Variants in COL20A1 observed in about 807,000 individuals in gnomAD.
COL20A1 encodes the protein collagen type XX alpha 1 chain, also known as collagen alpha-1(XX) chain.
In COL20A1, 164 loss-of-function variants were observed where a neutral mutation model predicts 152.9. The observed-to-expected ratio is 1.07, with a 90% CI of 0.94 to 1.22. COL20A1 has a LOEUF of 1.22. COL20A1 is among the 50% of genes most tolerant of loss of function. The pLI, the probability that COL20A1 is intolerant of heterozygous loss-of-function variation, is 0.00. For missense variants in COL20A1, 1,873 were observed against 1,744.8 expected (o/e 1.07, Z -1.31); for synonymous variants, 864 against 756.0 (o/e 1.14, Z -2.34).
chr20:63,313,108 T>A lies in COL20A1; in HGVS notation c.2077-9T>A, dbSNP rs370689220. ...CACCCGGTGACCCCTGGGGCTCTCC[T>A]CTCCCTAGATCTCTGTCCCAGGGAA... On this transcript the variant is annotated splice_polypyrimidine_tract_variant and intron_variant, in intron 16 of 35. Transcript: ENST00000358894. The surrounding 1 kb of genome is among the most constrained non-coding windows in gnomAD (Gnocchi z 5.9). 5 of 1,603,722 alleles carry A rather than the reference T, an allele frequency of 3.1e-6. No homozygotes were observed. The highest frequency in any genetic ancestry group is 4.3e-6 in the Non-Finnish European group (5 of 1,175,998).
In COL20A1 at chr20:63,331,910, G is replaced by A. The variant is rs971853072; in HGVS notation, c.*1194G>A. 3.3e-5 allele frequency: 5 copies of A among 152,182 alleles called. No homozygotes were observed. The highest frequency in any genetic ancestry group is 1.3e-4 in the Admixed American group (2 of 15,282). The allele number at this position is 152,182 out of a possible 1,614,324, so 9.4% of individuals were successfully genotyped here. A position where few individuals can be genotyped will look rare whatever the true frequency, so the allele number is the denominator to read the frequency against. On this transcript the variant is annotated 3_prime_UTR_variant, in exon 36 of 36. Transcript: ENST00000358894. ...AGAGGTGAGCGCAAAACAGCTTCAG[G>A]GCAAACACTTCATCTATGATTCAAC... is the stretch of plus-strand genomic sequence containing the variant.
rs115990572 is a variant in COL20A1, at chr20:63,322,575, A to C, written c.3294+464A>C. 4.9e-3 allele frequency among the ~76,000 whole-genome samples: 752 copies of C among 152,268 alleles called. 4 individuals are homozygous for C. Among genetic ancestry groups the C allele is most frequent in the African/African-American group, 0.018 (735 of 41,562 alleles). On this transcript the variant is annotated intron_variant, in intron 27 of 35. Transcript: ENST00000358894. The stretch of plus-strand genomic sequence containing the variant: ...CTCAGCGCATGCGCGGCGTGCAGGG[A>C]GGTGTTTCGGGGGCGGAGGTTCTGG...
At chr20:63,318,901 C>T (rs981587127) in intron 21 of COL20A1, among the ~76,000 whole-genome samples, 157 bp from the exon 22 acceptor site, 2 of 152,110 alleles carry the variant, frequency 1.3e-5, no homozygotes, top group East Asian at 2.0e-4. Context: ...GCTCAGTCTA[C>T]AGCTGGGAAG....
At position 63,311,733 on chromosome 20, in the gene COL20A1, A is replaced by G. The variant is rs1048160684; in HGVS notation, c.1648A>G (p.Ile550Val). 3 of 1,594,526 alleles carry G rather than the reference A, an allele frequency of 1.9e-6. No homozygotes were observed. The African/African-American group carries it at 4.0e-5, about 21-fold the overall frequency. Reference protein sequence around the residue: ...RGPEGSEARGIRARTPTLAPP... With the variant: ...RGPEGSEARGVRARTPTLAPP... Reference sequence around the variant, plus strand: ...CCCTGAGGGCAGCGAGGCCCGGGGCATCCGTGCCAGGACCCGTGAGTGCTC... The same window carrying G: ...CCCTGAGGGCAGCGAGGCCCGGGGCGTCCGTGCCAGGACCCGTGAGTGCTC... Residue 550 changes from isoleucine to valine, a missense_variant, in exon 13 of 36, where the codon ATC becomes GTC. Transcript: ENST00000358894. This position sits in a 1 kb window ranked among gnomAD's most constrained non-coding sequence, Gnocchi z 4.4.
chr20:63,311,550 C>G lies in COL20A1; in HGVS notation c.1539+11C>G. 1 of 1,600,784 alleles carries G rather than the reference C, an allele frequency of 6.2e-7. No individual in the cohort carries two copies. Among genetic ancestry groups the G allele is most frequent in the African/African-American group, 1.3e-5 (1 of 74,934 alleles). On this transcript the variant is annotated intron_variant, in intron 12 of 35. Transcript: ENST00000358894. The surrounding 1 kb of genome is among the most constrained non-coding windows in gnomAD (Gnocchi z 4.4). Reference sequence around the variant, plus strand: ...GAGGAGGAGCGAGAGGTGAGCTGGGCCGGGGGGTGGCGGGGGAGGCAGAGG... The same window carrying G: ...GAGGAGGAGCGAGAGGTGAGCTGGGGCGGGGGGTGGCGGGGGAGGCAGAGG...
rs111342094 is a variant in COL20A1, at chr20:63,312,073, C to T, written c.1803+18C>T. The T allele has an allele frequency of 7.5e-4, 1,149 of 1,537,024 alleles. 19 individuals are homozygous for T. In the African/African-American group the frequency reaches 0.014, roughly 18 times the overall value. Reference sequence around the variant, plus strand: ...CGGGGCAGGTGAGAGCAGAGCCCTCCGGGGGCCCGAGTGTCTTGAGGGACC... The same window carrying T: ...CGGGGCAGGTGAGAGCAGAGCCCTCTGGGGGCCCGAGTGTCTTGAGGGACC... On this transcript the variant is annotated intron_variant, in intron 14 of 35. Coordinates refer to ENST00000358894, the MANE Select transcript of COL20A1 (RefSeq NM_020882.4).
chr20:63,299,796 T>A (rs1300790652), intron 3 of COL20A1, among the ~76,000 whole-genome samples: 1 of 151,878 alleles, frequency 6.6e-6, no homozygotes, highest in Admixed American at 6.6e-5. Flanking sequence ...ATTGATTTTT[T>A]AAATATTAAA....
chr20:63,328,305 C>G, intron 33 of COL20A1, 26 bp from the exon 34 acceptor site: 1 of 1,598,434 alleles, frequency 6.3e-7, no homozygotes, highest in East Asian at 2.3e-5. Context: ...CCCACTGTGT[C>G]CTGCTGACAC....
chr20:63,322,174 C>T (rs2068174078), intron 27 of COL20A1, 63 bp downstream of exon 27: 1 of 1,278,634 alleles, frequency 7.8e-7, no homozygotes, highest in Non-Finnish European at 1.1e-6. Context: ...AGAGAACACC[C>T]CTCCCAGTGC....
intron 35 of COL20A1, 88 bp downstream of exon 35, chr20:63,329,749 T>G: frequency 1.1e-6 from 1 of 937,984 alleles, no homozygotes; most frequent in Non-Finnish European, 1.6e-6. Flanking sequence ...TGGGGCCTCA[T>G]GCTGTCCAGG....
chr20:63,328,376 C>T lies in COL20A1; in HGVS notation c.3659C>T (p.Pro1220Leu), dbSNP rs1422643636. The change falls in exon 34 of 36, where the codon CCC (proline) becomes CTC (leucine). Residue 1220 changes from proline (P) to leucine (L), a missense_variant. By Grantham distance (98) the Pro-to-Leu change is moderately conservative. Transcript: ENST00000358894. ...FDSFHENTRP[P>L]MPILEQKLEP... ...TCCTTCCACGAGAACACCAGGCCCC[C>T]CATGCCCATCTTGGAGCAGAAGCTG... The T allele has an allele frequency of 6.2e-7, 1 of 1,612,542 alleles. No homozygotes were observed. The highest frequency in any genetic ancestry group is 8.5e-7 in the Non-Finnish European group (1 of 1,179,646).
chr20:63,320,494 T>C (rs1442450685), intron 25 of COL20A1, 126 bp downstream of exon 25: 1 of 953,900 alleles, frequency 1.0e-6, no homozygotes, highest in Non-Finnish European at 1.6e-6. Flanking sequence ...CAGGGAAGGC[T>C]TTCAGAGGAG....
chr20:63,307,774 C>G, intron 6 of COL20A1, 126 bp downstream of exon 6: 2 of 1,239,240 alleles, frequency 1.6e-6, no homozygotes, highest in Middle Eastern at 4.5e-4. Context: ...GGTGGGACGC[C>G]TGCTCCACAT....
chr20:63,327,661 C>T, intron 31 of COL20A1: 1 of 492,808 alleles, frequency 2.0e-6, no homozygotes, highest in Non-Finnish European at 3.7e-6. Context: ...GTGTCCCACA[C>T]CCGCCATCTC....
At chr20:63,320,442 G>C in intron 25 of COL20A1, 74 bp downstream of exon 25, 1 of 1,419,404 alleles carries the variant, frequency 7.0e-7, no homozygotes, top group Non-Finnish European at 9.9e-7. Context: ...CAGTGCCTGG[G>C]GTCAGTTGGC....
chr20:63,325,817 G>A, intron 29 of COL20A1, 96 bp downstream of exon 29: 1 of 1,154,558 alleles, frequency 8.7e-7, no homozygotes, highest in Non-Finnish European at 1.3e-6. Context: ...TAGGGAGGGG[G>A]AGGTGCTTTC....
At chr20:63,327,120 C>A (rs2068262194) in intron 31 of COL20A1, 1 of 348,138 alleles carries the variant, frequency 2.9e-6, no homozygotes, top group Admixed American at 5.0e-5. Context: ...CCAGGGACTT[C>A]CTGTTTACCA....
At chr20:63,309,716 C>T (rs762209765) in intron 9 of COL20A1, 42 bp from the exon 10 acceptor site, 10 of 1,502,996 alleles carry the variant, frequency 6.7e-6, no homozygotes, top group African/African-American at 2.8e-5. Context: ...CACAGCTGCC[C>T]GTGCAGTGAC....
Position 63,332,976 on chromosome 20 carries a change from C to T in COL20A1, c.*2260C>T, listed in dbSNP as rs1416793368. 4 of 152,284 alleles carry T rather than the reference C, an allele frequency of 2.6e-5. No homozygotes were observed. The highest frequency in any genetic ancestry group is 2.9e-5 in the Non-Finnish European group (2 of 68,106). The allele number at this position is 152,284 out of a possible 1,614,324, so 9.4% of individuals were successfully genotyped here. ...GGCAGCCTCCCCGAGACCCAGCCGA[C>T]CTGCACGTCTCCCATCAGCCCCGAC... On this transcript the variant is annotated 3_prime_UTR_variant, in exon 36 of 36. Coordinates refer to ENST00000358894, the MANE Select transcript of COL20A1 (RefSeq NM_020882.4).
Sources: allele counts gnomAD v4.1 joint callset (sites outside exome capture counted in the v4.1 genomes callset), GRCh38; gene constraint gnomAD v4.1.1; non-coding constraint Gnocchi (gnomAD v3.1); transcripts MANE v1.5; gene names NCBI Gene and HGNC (gene_info 2026-07-23, HGNC 2026-07-21).